Variants in SETD2 observed in about 807,000 individuals in gnomAD.
SETD2 encodes histone-lysine N-methyltransferase SETD2.
A neutral mutation model predicts 242.1 loss-of-function variants in SETD2; 31 were observed. The ratio of observed to expected loss-of-function variants is 0.13; its 90% CI spans 0.10 to 0.17. SETD2 has a LOEUF of 0.17. Ranked by LOEUF, SETD2 falls within the 10% of genes least tolerant of loss-of-function variation. The probability of loss-of-function intolerance (pLI) is 1.00; values close to 1 mark genes in which losing one functional copy is unlikely to be tolerated. For missense variants in SETD2, 2,481 were observed against 3,046.3 expected (o/e 0.81, Z 4.37); for synonymous variants, 1,006 against 1,066.5 (o/e 0.94, Z 1.11).
At chr3:47,094,094 GT>G (rs141179399) in intron 9 of SETD2, among the ~76,000 whole-genome samples, 2,802 of 152,218 alleles carry the variant, frequency 0.018, 86 homozygotes, top group East Asian at 0.057. Context: ...TCTCACTCAG[GT>G]GGGTTTTCAC....
chr3:47,140,046 T>C (rs896655981), intron 1 of SETD2, among the ~76,000 whole-genome samples: 1 of 152,210 alleles, frequency 6.6e-6, no homozygotes, highest in Non-Finnish European at 1.5e-5. Context: ...GCTGAAACTT[T>C]ATTTTAATGT....
chr3:47,137,382 G>A (rs1376855441), intron 1 of SETD2, among the ~76,000 whole-genome samples: 1 of 151,518 alleles, frequency 6.6e-6, no homozygotes, highest in African/African-American at 2.4e-5. Flanking sequence ...TAGTAGAGAT[G>A]GGGTTTCACC....
chr3:47,026,381 T>C (rs1405831189), intron 18 of SETD2, among the ~76,000 whole-genome samples: 1 of 152,222 alleles, frequency 6.6e-6, no homozygotes, highest in African/African-American at 2.4e-5. Context: ...TCAACCATTG[T>C]GGAAGACAGT....
At chr3:47,151,781 C>G (rs983260096) in intron 1 of SETD2, among the ~76,000 whole-genome samples, 1 of 147,736 alleles carries the variant, frequency 6.8e-6, no homozygotes, top group African/African-American at 2.5e-5. Flanking sequence ...GAGCCAAGAT[C>G]GCACCACTGC....
chr3:47,098,598 C>G (rs1179389874), intron 8 of SETD2: 2 of 152,338 alleles, frequency 1.3e-5, no homozygotes, highest in African/African-American at 4.8e-5. Flanking sequence ...GAGTTTGAGA[C>G]CAGCCTGGCC....
intron 9 of SETD2, among the ~76,000 whole-genome samples, chr3:47,093,675 C>T (rs1308638680): frequency 6.6e-6 from 1 of 152,068 alleles, no homozygotes; most frequent in Non-Finnish European, 1.5e-5. Context: ...TTATAGCTAG[C>T]CTCTCTGCTT....
Position 47,074,963 on chromosome 3 carries a change from G to A in SETD2, c.6061-7845C>T, listed in dbSNP as rs567914663. ...ATCCTGGCTAACACGGTGAAACCCC[G>A]TCTCTACTAAAAATACAAAAATTAG... On this transcript the variant is annotated intron_variant, in intron 12 of 20. Transcript: ENST00000409792. 9.9e-5 allele frequency among the ~76,000 whole-genome samples: 15 copies of A among 152,060 alleles called. No homozygotes were observed. In the East Asian group the frequency reaches 2.7e-3, roughly 28 times the overall value.
At chr3:47,128,305 A>G (rs568702884) in intron 1 of SETD2, among the ~76,000 whole-genome samples, 1 of 152,232 alleles carries the variant, frequency 6.6e-6, no homozygotes, top group African/African-American at 2.4e-5. Flanking sequence ...ACTGACTAAG[A>G]GCAATCAAAA....
chr3:47,038,456 A>C (rs1208239577), intron 17 of SETD2, among the ~76,000 whole-genome samples: 4 of 152,078 alleles, frequency 2.6e-5, no homozygotes, highest in Non-Finnish European at 5.9e-5. Flanking sequence ...TCTACTATAA[A>C]TACAAAAAAT....
At chr3:47,106,142 A>T (rs2107697224) in intron 5 of SETD2, 22 bp from the exon 6 acceptor site, 1 of 1,606,028 alleles carries the variant, frequency 6.2e-7, no homozygotes, top group African/African-American at 1.3e-5. Flanking sequence ...AAGGAAAAAA[A>T]TAGCACTTCC....
At chr3:47,114,810 C>A (rs1301162416) in intron 4 of SETD2, among the ~76,000 whole-genome samples, 1 of 141,118 alleles carries the variant, frequency 7.1e-6, no homozygotes, top group Admixed American at 7.8e-5. Context: ...ACCCAGGAGG[C>A]AGAGGTTGTA....
intron 8 of SETD2, chr3:47,098,319 A>G (rs1325303065): frequency 3.2e-6 from 1 of 316,178 alleles, no homozygotes. Context: ...CAAGAAATAA[A>G]CAATTCTTCC....
intron 1 of SETD2, among the ~76,000 whole-genome samples, chr3:47,129,447 G>C (rs2043426858): frequency 6.6e-6 from 1 of 152,206 alleles, no homozygotes; most frequent in Admixed American, 6.5e-5. Context: ...TTTAAACAGA[G>C]ATCATTGTTT....
chr3:47,105,594 T>TA, intron 6 of SETD2: 1 of 376,180 alleles, frequency 2.7e-6, no homozygotes, highest in Non-Finnish European at 5.2e-6. Flanking sequence ...ACGCTATTTA[T>TA]ACTGCTCTGC....
Position 47,062,103 on chromosome 3 carries a change from G to A in SETD2, c.6293+60C>T, listed in dbSNP as rs2107588046. On this transcript the variant is annotated intron_variant, in intron 14 of 20. Coordinates refer to ENST00000409792, the MANE Select transcript of SETD2 (RefSeq NM_014159.7). ...TCACAATCAGAAGTATATGACTTGG[G>A]TACTTTTTAACTTGCTCAAAACAAA... 2.0e-6 allele frequency: 3 copies of A among 1,484,240 alleles called. No individual in the cohort carries two copies. In the South Asian group the frequency reaches 3.6e-5, roughly 18 times the overall value. The allele number at this position is 1,484,240 out of a possible 1,614,324, so 91.9% of individuals were successfully genotyped here.
chr3:47,052,239 C>T (rs1270254839), intron 15 of SETD2, among the ~76,000 whole-genome samples: 3 of 152,026 alleles, frequency 2.0e-5, no homozygotes, highest in Non-Finnish European at 4.4e-5. Context: ...GGCACAATCT[C>T]GGCTTACTGC....
intron 18 of SETD2, among the ~76,000 whole-genome samples, chr3:47,029,454 G>C (rs1219377289): frequency 7.3e-6 from 1 of 136,084 alleles, no homozygotes; most frequent in Non-Finnish European, 1.6e-5. Context: ...CTATGGATCA[G>C]AAACTTATTA....
chr3:47,153,627 C>T (rs1264534007), intron 1 of SETD2, among the ~76,000 whole-genome samples: 1 of 152,094 alleles, frequency 6.6e-6, no homozygotes, highest in Non-Finnish European at 1.5e-5. Flanking sequence ...GTGGCGCATG[C>T]CTGTTGTCCC....
chr3:47,161,855 G>A (rs1697496396), intron 1 of SETD2, among the ~76,000 whole-genome samples: 1 of 150,756 alleles, frequency 6.6e-6, no homozygotes, highest in Non-Finnish European at 1.5e-5. Context: ...AGGATGCAAT[G>A]AGCCATGATG....
Sources: allele counts gnomAD v4.1 joint callset (sites outside exome capture counted in the v4.1 genomes callset), GRCh38; gene constraint gnomAD v4.1.1; transcripts MANE v1.5; gene names NCBI Gene and HGNC (gene_info 2026-07-23, HGNC 2026-07-21).